The following SPHK2 variants were observed in gnomAD, a reference collection of about 807,000 sequenced individuals.
SPHK2 encodes sphingosine kinase 2.
In SPHK2, 18 loss-of-function variants were observed where a neutral mutation model predicts 32.3. That is an observed-to-expected ratio of 0.56 (90% confidence interval 0.39 to 0.83). The LOEUF (loss-of-function observed/expected upper bound fraction) is 0.83, where lower values mean the gene tolerates loss of function less well. Among genes scored for constraint, SPHK2 ranks in the 40% least tolerant of loss-of-function variants. The pLI is 0.00. For missense variants in SPHK2, 850 were observed against 908.7 expected (o/e 0.94, Z 0.83); for synonymous variants, 462 against 417.6 (o/e 1.11, Z -1.30).
In SPHK2 at chr19:48,619,522, C is replaced by G. The variant is rs2147662909; in HGVS notation, c.-135C>G. ...CGGCCTCTCAGTGGCTCCCGGAGGA[C>G]CCGGCGGGCCCAGTGTTGGAGGTGA... On this transcript the variant is annotated 5_prime_UTR_variant, in exon 1 of 7. Coordinates refer to ENST00000245222, the MANE Select transcript of SPHK2 (RefSeq NM_020126.5). 3.5e-6 allele frequency: 1 copy of G among 282,158 alleles called. No homozygotes were observed. Among genetic ancestry groups the G allele is most frequent in the Non-Finnish European group, 6.8e-6 (1 of 146,370 alleles). 17.5% of individuals were successfully genotyped at this position (282,158 alleles called of 1,614,324 possible). A position where few individuals can be genotyped will look rare whatever the true frequency, so the allele number is the denominator to read the frequency against.
Position 48,628,036 on chromosome 19 carries a change from C to T in SPHK2, c.723C>T (p.Ile241=), listed in dbSNP as rs749843519. The T allele has an allele frequency of 6.3e-6, 10 of 1,595,466 alleles. No individual in the cohort carries two copies. The highest frequency in any genetic ancestry group is 7.7e-6 in the Non-Finnish European group (9 of 1,167,406). The change falls in exon 5 of 7, where the codon ATC becomes ATT. Residue 241 remains isoleucine (I), a synonymous_variant. Coordinates refer to ENST00000245222, the MANE Select transcript of SPHK2 (RefSeq NM_020126.5). The surrounding 1 kb of genome is among the most constrained non-coding windows in gnomAD (Gnocchi z 5.2). ...QGLSLSEWDG[I]VTVSGDGLLH... is the part of the protein sequence containing the mutation. ...TGAGCCTGAGTGAGTGGGATGGCAT[C>T]GTCACGGTCTCGGGAGACGGGCTGC...
At chr19:48,622,755 C>CTT in intron 2 of SPHK2, among the ~76,000 whole-genome samples, 1 of 133,392 alleles carries the variant, frequency 7.5e-6, no homozygotes, top group Non-Finnish European at 1.6e-5. Flanking sequence ...ACATTTGTCT[C>CTT]TCTTTTTTTT....
Position 48,628,412 on chromosome 19 carries a change from G to A in SPHK2, c.872+135G>A, listed in dbSNP as rs752125624. ...TGTGGGATGCTCACCCCCAGCTCCTGGACATTTTTGCCTGCCTGCTTCCCA... is the reference window on the plus strand; with the variant it reads ...TGTGGGATGCTCACCCCCAGCTCCTAGACATTTTTGCCTGCCTGCTTCCCA... On this transcript the variant is annotated intron_variant, in intron 6 of 6. Transcript: ENST00000245222. This position sits in a 1 kb window ranked among gnomAD's most constrained non-coding sequence, Gnocchi z 5.2. 4.0e-6 allele frequency: 4 copies of A among 995,620 alleles called. No individual in the cohort carries two copies. The highest frequency in any genetic ancestry group is 3.4e-5 in the Admixed American group (2 of 59,278). The allele number at this position is 995,620 out of a possible 1,614,324, so 61.7% of individuals were successfully genotyped here.
intron 3 of SPHK2, 151 bp from the exon 4 acceptor site, chr19:48,627,541 C>T: frequency 3.5e-6 from 3 of 862,238 alleles, no homozygotes; most frequent in South Asian, 3.8e-5. Flanking sequence ...GGAGTTGGGG[C>T]AGGGCTGCAT....
rs146661011 is a variant in SPHK2 at position 48,622,356 on chromosome 19, A to C, written c.39+1803A>C. 1.1e-4 allele frequency among the ~76,000 whole-genome samples: 16 copies of C among 151,820 alleles called. No homozygotes were observed. In the East Asian group the frequency reaches 2.5e-3, roughly 24 times the overall value. On this transcript the variant is annotated intron_variant, in intron 2 of 6. Coordinates refer to ENST00000245222, the MANE Select transcript of SPHK2 (RefSeq NM_020126.5). ...CATACAACTGAGTTTTTGCTTACAC[A>C]TTCTTTAATTTCTTTTAATTCCTGT...
At chr19:48,625,806 TCTC>T (rs1974589301) in intron 2 of SPHK2, 82 bp from the exon 3 acceptor site, 7 of 1,545,046 alleles carry the variant, frequency 4.5e-6, no homozygotes, top group Non-Finnish European at 6.1e-6. Flanking sequence ...CCCCTCATTG[TCTC>T]CTCCTGTCCA....
At position 48,626,064 on chromosome 19, in the gene SPHK2, G is replaced by A. The variant is rs776803080; in HGVS notation, c.213G>A (p.Ser71=). The A allele has an allele frequency of 9.3e-6, 15 of 1,613,122 alleles. No homozygotes were observed. The East Asian group carries it at 2.2e-4, about 24-fold the overall frequency. ...CACGCTTTGCCCTCACCCTTACATC[G>A]CAGGCCCTGCACATACAGCGGCTGC... ...RGPRFALTLT[S]QALHIQRLRP... is the part of the protein sequence containing the mutation. Residue 71 remains serine, a synonymous_variant, in exon 3 of 7, where the codon TCG becomes TCA. Transcript: ENST00000245222.
chr19:48,621,676 A>AAAAAGACTGAGC (rs1450730744), intron 2 of SPHK2, among the ~76,000 whole-genome samples: 1 of 152,218 alleles, frequency 6.6e-6, no homozygotes, highest in African/African-American at 2.4e-5. Context: ...CTGAGCACCG[A>AAAAAGACTGAGC]ACAAAGAGTC....
chr19:48,625,634 A>G (rs1314924895), intron 2 of SPHK2: 2 of 1,520,932 alleles, frequency 1.3e-6, no homozygotes, highest in Non-Finnish European at 1.8e-6. Context: ...TGATTGGCAC[A>G]TAAAGGGTAC....
At chr19:48,627,505 A>G (rs2030018022) in intron 3 of SPHK2, among the ~76,000 whole-genome samples, 187 bp from the exon 4 acceptor site, 1 of 152,214 alleles carries the variant, frequency 6.6e-6, no homozygotes, top group African/African-American at 2.4e-5. Context: ...TTTCACACCT[A>G]AGCCCTGCCT....
chr19:48,628,814 G>T lies in SPHK2; in HGVS notation c.1006G>T (p.Ala336Ser). The T allele has an allele frequency of 6.2e-7, 1 of 1,613,678 alleles. No homozygotes were observed. Among genetic ancestry groups the T allele is most frequent in the Admixed American group, 1.7e-5 (1 of 60,030 alleles). The change falls in exon 7 of 7, where the codon GCC becomes TCC. Residue 336 changes from alanine (A) to serine (S), a missense_variant. Ala to Ser is a moderately conservative substitution (Grantham distance 99). Around this residue, in one of 2 missense-constraint regions of SPHK2, gnomAD observed 544 missense variants for 640.0 expected, o/e 0.85. Transcript: ENST00000245222. The surrounding 1 kb of genome is among the most constrained non-coding windows in gnomAD (Gnocchi z 5.2). ...GSRCFSFLSV[A>S]WGFVSDVDIQ... ...CCGCTGTTTCTCCTTCCTGTCTGTG[G>T]CCTGGGGCTTCGTGTCAGATGTGGA...
Position 48,628,917 on chromosome 19 carries a change from A to T in SPHK2, c.1109A>T (p.His370Leu), listed in dbSNP as rs1366461454. 2 of 1,613,210 alleles carry T rather than the reference A, an allele frequency of 1.2e-6. No individual in the cohort carries two copies. Among genetic ancestry groups the T allele is most frequent in the Middle Eastern group, 1.6e-4 (1 of 6,084 alleles). The part of the protein sequence containing the change: ...LGTVLGLATL[H>L]TYRGRLSYLP... The stretch of plus-strand genomic sequence containing the variant: ...ACGGTGCTGGGCCTCGCCACACTGC[A>T]CACCTACCGCGGACGCCTCTCCTAC... The change falls in exon 7 of 7, where the codon CAC (histidine) becomes CTC (leucine). Residue 370 changes from histidine to leucine, a missense_variant. By Grantham distance (99) the His-to-Leu change is moderately conservative. Around this residue, in one of 2 missense-constraint regions of SPHK2, gnomAD observed 544 missense variants for 640.0 expected, o/e 0.85. Coordinates refer to ENST00000245222, the MANE Select transcript of SPHK2 (RefSeq NM_020126.5). This position sits in a 1 kb window ranked among gnomAD's most constrained non-coding sequence, Gnocchi z 5.2.
In SPHK2 at chr19:48,628,263, G is replaced by A; in HGVS notation, c.858G>A (p.Val286=). Reference sequence around the variant, plus strand: ...CGGGCAACGCGCTGGCCGGAGCAGTGAACCAGCACGGGGGGTAGGTTGAGG... The same window carrying A: ...CGGGCAACGCGCTGGCCGGAGCAGTAAACCAGCACGGGGGGTAGGTTGAGG... ...CGSGNALAGA[V]NQHGGFEPAL... is the part of the protein sequence containing the mutation. Residue 286 remains valine, a synonymous_variant, in exon 6 of 7, where the codon GTG becomes GTA. Coordinates refer to ENST00000245222, the MANE Select transcript of SPHK2 (RefSeq NM_020126.5). This position sits in a 1 kb window ranked among gnomAD's most constrained non-coding sequence, Gnocchi z 5.2. 1.9e-6 allele frequency: 3 copies of A among 1,613,378 alleles called. No homozygotes were observed. Among genetic ancestry groups the A allele is most frequent in the Non-Finnish European group, 2.5e-6 (3 of 1,179,882 alleles).
In SPHK2 at chr19:48,630,054, CGCTT is replaced by C. The variant is rs1418833298; in HGVS notation, c.*284_*287del. On this transcript the variant is annotated 3_prime_UTR_variant, in exon 7 of 7. Transcript: ENST00000245222. This position sits in a 1 kb window ranked among gnomAD's most constrained non-coding sequence, Gnocchi z 4.9. Reference sequence around the variant, plus strand: ...CTTACGGGGCAGGGCTCAGTCCTGACGCTTGCCACCTGCTCCTACCCGGCCAGGA... The same window carrying C: ...CTTACGGGGCAGGGCTCAGTCCTGACGCCACCTGCTCCTACCCGGCCAGGA... The C allele has an allele frequency of 1.5e-6, 2 of 1,298,966 alleles. No homozygotes were observed. Among genetic ancestry groups the C allele is most frequent in the Non-Finnish European group, 9.8e-7 (1 of 1,024,974 alleles). 80.5% of individuals were successfully genotyped at this position (1,298,966 alleles called of 1,614,324 possible).
chr19:48,622,191 G>A (rs938855855), intron 2 of SPHK2, among the ~76,000 whole-genome samples: 3 of 151,232 alleles, frequency 2.0e-5, no homozygotes, highest in South Asian at 2.1e-4. Flanking sequence ...CCCGGGAGGC[G>A]GAGCTTGCAG....
chr19:48,624,403 C>G (rs995655105), intron 2 of SPHK2: 1 of 152,632 alleles, frequency 6.6e-6, no homozygotes, highest in African/African-American at 2.4e-5. Flanking sequence ...TGCTGACTTG[C>G]GGGACCGCCT....
At chr19:48,620,329 A>G in intron 1 of SPHK2, 73 bp from the exon 2 acceptor site, 1 of 535,928 alleles carries the variant, frequency 1.9e-6, no homozygotes, top group Non-Finnish European at 3.3e-6. Context: ...CTTGGTTCTC[A>G]GGCACATTGA....
Position 48,629,287 on chromosome 19 carries a change from T to C in SPHK2, c.1479T>C (p.Ile493=). The C allele has an allele frequency of 6.2e-7, 1 of 1,613,382 alleles. No homozygotes were observed. The highest frequency in any genetic ancestry group is 8.5e-7 in the Non-Finnish European group (1 of 1,179,940). The change falls in exon 7 of 7, where the codon ATT becomes ATC. Residue 493 remains isoleucine (I), a synonymous_variant. Transcript: ENST00000245222. ...HSPVSEGAPV[I]PPSSGLPLPT... is the part of the protein sequence containing the mutation. ...CCGTCTCCGAAGGGGCCCCCGTAAT[T>C]CCCCCATCCTCTGGGCTCCCACTTC...
chr19:48,630,049 C>T lies in SPHK2; in HGVS notation c.*276C>T. ...CCGCCCTTACGGGGCAGGGCTCAGT[C>T]CTGACGCTTGCCACCTGCTCCTACC... is the stretch of plus-strand genomic sequence containing the variant. On this transcript the variant is annotated 3_prime_UTR_variant, in exon 7 of 7. Transcript: ENST00000245222. This position sits in a 1 kb window ranked among gnomAD's most constrained non-coding sequence, Gnocchi z 4.9. 7.6e-6 allele frequency: 10 copies of T among 1,310,120 alleles called. No individual in the cohort carries two copies. Among genetic ancestry groups the T allele is most frequent in the Non-Finnish European group, 8.7e-6 (9 of 1,031,414 alleles). 81.2% of individuals were successfully genotyped at this position (1,310,120 alleles called of 1,614,324 possible). A position where few individuals can be genotyped will look rare whatever the true frequency, so the allele number is the denominator to read the frequency against.
Sources: allele counts gnomAD v4.1 joint callset (sites outside exome capture counted in the v4.1 genomes callset), GRCh38; gene constraint gnomAD v4.1.1; regional missense constraint gnomAD v4.1.1; non-coding constraint Gnocchi (gnomAD v3.1); transcripts MANE v1.5; gene names NCBI Gene and HGNC (gene_info 2026-07-23, HGNC 2026-07-21).